Variants in CTNNA2 observed in about 807,000 individuals in gnomAD.
CTNNA2 encodes catenin alpha 2.
Under a neutral mutation model 101.0 loss-of-function variants are expected in CTNNA2, and 42 were observed. The observed-to-expected ratio is 0.42, with a 90% confidence interval of 0.32 to 0.54. CTNNA2 has a LOEUF of 0.54. Among genes scored for constraint, CTNNA2 ranks in the 20% least tolerant of loss-of-function variants. The pLI is 0.14. For synonymous variants in CTNNA2, 450 were observed against 456.4 expected, an observed-to-expected ratio of 0.99 and a Z score of 0.18; for missense variants, 871 against 1,223.1, an observed-to-expected ratio of 0.71 and a Z score of 4.29.
chr2:80,263,780 C>G (rs1452950455), intron 7 of CTNNA2, among the ~76,000 whole-genome samples: 2 of 152,232 alleles, frequency 1.3e-5, no homozygotes, highest in Non-Finnish European at 2.9e-5. Flanking sequence ...TACTAGCCAA[C>G]TCTGCTTTTT....
At chr2:80,008,590 G>A (rs1574527275) in intron 7 of CTNNA2, among the ~76,000 whole-genome samples, 1 of 152,332 alleles carries the variant, frequency 6.6e-6, no homozygotes, top group East Asian at 1.9e-4. Flanking sequence ...GGAAAGGACA[G>A]TGTAGCTGTA....
intron 4 of CTNNA2, among the ~76,000 whole-genome samples, chr2:79,407,825 T>G (rs2104487196): frequency 6.6e-6 from 1 of 152,174 alleles, no homozygotes; most frequent in Non-Finnish European, 1.5e-5. Context: ...TCAATCCTGC[T>G]ACCTTAAGGA....
chr2:80,159,484 T>C (rs184695303), intron 7 of CTNNA2, among the ~76,000 whole-genome samples: 275 of 152,336 alleles, frequency 1.8e-3, no homozygotes, highest in African/African-American at 6.0e-3. Context: ...TTTTATTTTG[T>C]GTTTTCCTAA....
intron 1 of CTNNA2, among the ~76,000 whole-genome samples, chr2:79,594,545 T>C (rs1457180599): frequency 1.3e-5 from 2 of 152,220 alleles, no homozygotes; most frequent in Non-Finnish European, 2.9e-5. Context: ...GTATCAGTCA[T>C]TACTGCCTAT....
At chr2:79,297,681 AT>A (rs34511449) in intron 2 of CTNNA2, among the ~76,000 whole-genome samples, 234 of 152,280 alleles carry the variant, frequency 1.5e-3, no homozygotes, top group Admixed American at 5.4e-3. Flanking sequence ...CTCTCTATCT[AT>A]ATCTATCTAT....
intron 2 of CTNNA2, among the ~76,000 whole-genome samples, chr2:79,212,403 G>T (rs4852468): frequency 0.8 from 122,353 of 151,996 alleles, 49,721 homozygotes; most frequent in East Asian, 0.99. Context: ...GCTGTACCCT[G>T]TAGCATTCTG....
chr2:79,430,460 A>T (rs764796459), intron 4 of CTNNA2, among the ~76,000 whole-genome samples: 1 of 152,150 alleles, frequency 6.6e-6, no homozygotes, highest in Non-Finnish European at 1.5e-5. Flanking sequence ...AAATGTAGCT[A>T]ATGGTTTGAG....
intron 7 of CTNNA2, among the ~76,000 whole-genome samples, chr2:80,329,877 A>T (rs1179649134): frequency 6.6e-6 from 1 of 152,222 alleles, no homozygotes; most frequent in African/African-American, 2.4e-5. Context: ...CTGGAAACCC[A>T]GGGAAACTTT....
chr2:80,203,859 C>T (rs1399491162), intron 7 of CTNNA2, among the ~76,000 whole-genome samples: 1 of 152,198 alleles, frequency 6.6e-6, no homozygotes, highest in Non-Finnish European at 1.5e-5. Flanking sequence ...CAAACTTCTG[C>T]CTGGGCATCC....
At chr2:80,520,496 C>G (rs1232249300) in intron 9 of CTNNA2, among the ~76,000 whole-genome samples, 1 of 152,136 alleles carries the variant, frequency 6.6e-6, no homozygotes, top group African/African-American at 2.4e-5. Context: ...TCTCACAGTT[C>G]TGGAGGCTGG....
chr2:80,572,153 G>A (rs866169440), intron 12 of CTNNA2, among the ~76,000 whole-genome samples: 38 of 152,180 alleles, frequency 2.5e-4, no homozygotes, highest in African/African-American at 8.9e-4. Context: ...GTGTCTGCAT[G>A]CTCAATATGA....
At chr2:79,718,622 A>T (rs1415518338) in intron 2 of CTNNA2, among the ~76,000 whole-genome samples, 1 of 152,158 alleles carries the variant, frequency 6.6e-6, no homozygotes, top group Non-Finnish European at 1.5e-5. Flanking sequence ...TTCCCTTTGG[A>T]TTACCCTTGT....
intron 1 of CTNNA2, chr2:79,548,278 C>G (rs1253138953): frequency 6.6e-6 from 1 of 152,204 alleles, no homozygotes; most frequent in Non-Finnish European, 1.5e-5. Context: ...CAGTATTTAT[C>G]ACTTTCACAG....
intron 7 of CTNNA2, among the ~76,000 whole-genome samples, chr2:79,927,719 T>C (rs1000246571): frequency 6.6e-6 from 1 of 152,234 alleles, no homozygotes; most frequent in African/African-American, 2.4e-5. Flanking sequence ...CATATAATGT[T>C]ACTCTGTAAA....
intron 3 of CTNNA2, among the ~76,000 whole-genome samples, chr2:79,373,447 G>A (rs1399642904): frequency 6.6e-6 from 1 of 152,160 alleles, no homozygotes; most frequent in African/African-American, 2.4e-5. Context: ...AGAAAAATAT[G>A]CCCTTTTCTG....
intron 4 of CTNNA2, among the ~76,000 whole-genome samples, chr2:79,394,060 G>T (rs1573144606): frequency 6.6e-6 from 1 of 152,170 alleles, no homozygotes; most frequent in African/African-American, 2.4e-5. Flanking sequence ...TTGCACTCAT[G>T]ATTAACGTGG....
intron 7 of CTNNA2, among the ~76,000 whole-genome samples, chr2:80,185,161 A>T (rs1706038782): frequency 6.6e-6 from 1 of 152,188 alleles, no homozygotes; most frequent in Non-Finnish European, 1.5e-5. Context: ...CTCAGAGAAG[A>T]TCCACTCCAA....
intron 1 of CTNNA2, among the ~76,000 whole-genome samples, chr2:79,593,749 C>T (rs1677010964): frequency 6.6e-6 from 1 of 152,116 alleles, no homozygotes; most frequent in African/African-American, 2.4e-5. Context: ...TTATTACTTC[C>T]TTTACCTTCT....
At chr2:80,472,170 G>A (rs1685360999) in intron 9 of CTNNA2, among the ~76,000 whole-genome samples, 1 of 152,034 alleles carries the variant, frequency 6.6e-6, no homozygotes, top group African/African-American at 2.4e-5. Flanking sequence ...TAGAGGACCT[G>A]CAGATAAGGG....
Sources: allele counts gnomAD v4.1 joint callset (sites outside exome capture counted in the v4.1 genomes callset), GRCh38; gene constraint gnomAD v4.1.1; transcripts MANE v1.5; gene names NCBI Gene and HGNC (gene_info 2026-07-23, HGNC 2026-07-21).